PPFIA2: variants seen among roughly 807,000 people sequenced by gnomAD.
PPFIA2 encodes the protein PPFI scaffold protein A2.
A neutral mutation model predicts 175.5 loss-of-function variants in PPFIA2; 46 were observed. That is an observed-to-expected ratio of 0.26 (90% CI 0.21 to 0.34). The LOEUF is 0.34. Among genes scored for constraint, PPFIA2 ranks in the 10% least tolerant of loss-of-function variants. The pLI, the probability that PPFIA2 is intolerant of heterozygous loss-of-function variation, is 1.00. For missense variants in PPFIA2, 1,179 were observed against 1,506.1 expected, an observed-to-expected ratio of 0.78 and a Z score of 3.60; for synonymous variants, 568 against 511.4, an observed-to-expected ratio of 1.11 and a Z score of -1.49.
chr12:81,467,217 A>C (rs767446211), intron 4 of PPFIA2, among the ~76,000 whole-genome samples: 1 of 152,136 alleles, frequency 6.6e-6, no homozygotes, highest in Non-Finnish European at 1.5e-5. Context: ...TTTGGAGAGA[A>C]TATATCTTAC....
chr12:81,592,254 TG>T (rs1429045788), intron 4 of PPFIA2, among the ~76,000 whole-genome samples: 3 of 152,164 alleles, frequency 2.0e-5, no homozygotes, highest in Admixed American at 6.5e-5. Context: ...AACTTGCTGT[TG>T]ATTTTACAGG....
chr12:81,316,108 T>TACAC (rs760668793), intron 22 of PPFIA2, among the ~76,000 whole-genome samples: 13 of 151,022 alleles, frequency 8.6e-5, no homozygotes, highest in Admixed American at 3.3e-4. Context: ...ATATACTTAA[T>TACAC]ACACACACAC....
chr12:81,653,955 T>A (rs2067387564), intron 4 of PPFIA2, among the ~76,000 whole-genome samples: 1 of 152,026 alleles, frequency 6.6e-6, no homozygotes, highest in South Asian at 2.1e-4. Flanking sequence ...AGTAAACATA[T>A]AAATATAGTA....
intron 4 of PPFIA2, among the ~76,000 whole-genome samples, chr12:81,587,702 A>G (rs1298763623): frequency 6.6e-6 from 1 of 152,038 alleles, no homozygotes; most frequent in Non-Finnish European, 1.5e-5. Context: ...TATTGTCTGT[A>G]TGTACATTTA....
intron 28 of PPFIA2, among the ~76,000 whole-genome samples, chr12:81,272,054 C>A (rs897555011): frequency 4.6e-5 from 7 of 152,060 alleles, no homozygotes; most frequent in Non-Finnish European, 8.8e-5. Flanking sequence ...CCATTTTCCT[C>A]TAGCATTATT....
At chr12:81,701,915 T>TAAAAAAAAA (rs748051152) in intron 3 of PPFIA2, among the ~76,000 whole-genome samples, 2 of 84,202 alleles carry the variant, frequency 2.4e-5, no homozygotes, top group Non-Finnish European at 4.4e-5. Flanking sequence ...ATGGGAAGAC[T>TAAAAAAAAA]AAAAAAAAAA....
chr12:81,638,072 G>A (rs1442876497), intron 4 of PPFIA2, among the ~76,000 whole-genome samples: 2 of 152,100 alleles, frequency 1.3e-5, no homozygotes, highest in African/African-American at 4.8e-5. Context: ...AATGTCCTCT[G>A]CTTTGAAATT....
At chr12:81,639,224 T>A in intron 4 of PPFIA2, among the ~76,000 whole-genome samples, 1 of 152,196 alleles carries the variant, frequency 6.6e-6, no homozygotes, top group Admixed American at 6.5e-5. Context: ...AACTACCAGA[T>A]GAGTAGTGTA....
At chr12:81,338,586 A>G (rs2057496143) in intron 21 of PPFIA2, among the ~76,000 whole-genome samples, 1 of 135,898 alleles carries the variant, frequency 7.4e-6, no homozygotes, top group African/African-American at 2.5e-5. Flanking sequence ...ATTAGGGGGA[A>G]GCTATGATAG....
chr12:81,312,374 G>A, intron 22 of PPFIA2: 1 of 582,116 alleles, frequency 1.7e-6, no homozygotes, highest in Non-Finnish European at 3.0e-6. Flanking sequence ...CAGGCTGAGG[G>A]TAGTTCTAAT....
At chr12:81,577,556 T>A (rs1252063993) in intron 4 of PPFIA2, among the ~76,000 whole-genome samples, 3 of 151,890 alleles carry the variant, frequency 2.0e-5, no homozygotes, top group Non-Finnish European at 4.4e-5. Flanking sequence ...TAATGTAAAC[T>A]TTTTAGAAAA....
intron 7 of PPFIA2, among the ~76,000 whole-genome samples, chr12:81,439,010 C>T (rs1033198820): frequency 6.6e-6 from 1 of 151,808 alleles, no homozygotes; most frequent in Non-Finnish European, 1.5e-5. Flanking sequence ...GAAGATTTTG[C>T]TAATTTATAT....
rs3075445 is a variant in PPFIA2, at chr12:81,536,745, CATATATAT to C, written c.304-78887_304-78880del. Among the ~76,000 whole-genome samples the C allele has an allele frequency of 1.6e-4, 22 of 136,666 alleles. No individual in the cohort carries two copies. In the East Asian group the frequency reaches 2.5e-3, roughly 16 times the overall value. 89.7% of individuals were successfully genotyped at this position (136,666 alleles called of 152,430 possible). A position where few individuals can be genotyped will look rare whatever the true frequency, so the allele number is the denominator to read the frequency against. The stretch of plus-strand genomic sequence containing the variant: ...ATATACACAAATATATATACATAAA[CATATATAT>C]ATATATATATATATAGTTTTGAAGA... On this transcript the variant is annotated intron_variant, in intron 4 of 32. Transcript: ENST00000549396.
intron 4 of PPFIA2, chr12:81,598,126 A>G: frequency 1.3e-6 from 2 of 1,504,274 alleles, no homozygotes; most frequent in Non-Finnish European, 1.8e-6. Context: ...ATTGAGGGAG[A>G]CTAGAGGGTA....
chr12:81,512,096 G>C (rs2061858922), intron 4 of PPFIA2, among the ~76,000 whole-genome samples: 1 of 152,044 alleles, frequency 6.6e-6, no homozygotes, highest in African/African-American at 2.4e-5. Context: ...GAGATGTATT[G>C]TGTGATTTTC....
intron 28 of PPFIA2, among the ~76,000 whole-genome samples, chr12:81,268,699 G>A (rs1228198905): frequency 6.6e-6 from 1 of 152,196 alleles, no homozygotes; most frequent in Non-Finnish European, 1.5e-5. Context: ...AGAACTAGGT[G>A]TCTGTCTGAA....
chr12:81,314,404 T>A (rs1356304274), intron 22 of PPFIA2, among the ~76,000 whole-genome samples: 1 of 151,938 alleles, frequency 6.6e-6, no homozygotes, highest in South Asian at 2.1e-4. Flanking sequence ...CTGTCAAGAA[T>A]AAATATTCTT....
intron 7 of PPFIA2, chr12:81,430,929 A>G (rs1238664781): frequency 6.6e-6 from 1 of 152,152 alleles, no homozygotes; most frequent in East Asian, 1.9e-4. Context: ...AAGTTCTTTA[A>G]TTTTTCCTTA....
intron 4 of PPFIA2, among the ~76,000 whole-genome samples, chr12:81,499,649 T>C (rs1342149316): frequency 1.3e-5 from 2 of 149,870 alleles, no homozygotes; most frequent in Admixed American, 6.6e-5. Flanking sequence ...ATTTGACTGA[T>C]GAGAAGAGTG....
Sources: gnomAD v4.1 joint callset for allele counts (sites outside exome capture counted in the v4.1 genomes callset) on GRCh38, gnomAD v4.1.1 for gene constraint, MANE v1.5 for transcripts, NCBI Gene and HGNC (gene_info 2026-07-23, HGNC 2026-07-21) for gene names.